PPFIA4: variants seen among roughly 807,000 people sequenced by gnomAD.
PPFIA4 encodes liprin-alpha-4.
PPFIA4 carries 98 observed loss-of-function variants against 145.7 expected under a neutral mutation model. That is an observed-to-expected ratio of 0.67 (90% CI 0.57 to 0.80). The LOEUF is 0.80. Ranked by LOEUF, PPFIA4 falls within the 30% of genes least tolerant of loss-of-function variation. The probability of loss-of-function intolerance (pLI) is 0.00; values close to 1 mark genes in which losing one functional copy is unlikely to be tolerated. For missense variants in PPFIA4, 1,457 were observed against 1,632.7 expected, an observed-to-expected ratio of 0.89 and a Z score of 1.85; for synonymous variants, 628 against 649.6, an observed-to-expected ratio of 0.97 and a Z score of 0.51.
At chr1:203,064,719 C>T (rs1661613923) in intron 25 of PPFIA4, among the ~76,000 whole-genome samples, 1 of 152,224 alleles carries the variant, frequency 6.6e-6, no homozygotes, top group South Asian at 2.1e-4. Flanking sequence ...AAAGCTCTGT[C>T]AACACATTCT....
chr1:203,026,927 C>T (rs765324201), intron 1 of PPFIA4, among the ~76,000 whole-genome samples: 5 of 152,138 alleles, frequency 3.3e-5, no homozygotes, highest in Non-Finnish European at 5.9e-5. Flanking sequence ...GCGAGTCTCC[C>T]GGTGGGAACG....
intron 13 of PPFIA4, among the ~76,000 whole-genome samples, chr1:203,050,907 A>G (rs1660461662): frequency 6.6e-6 from 1 of 151,508 alleles, no homozygotes; most frequent in Non-Finnish European, 1.5e-5. Flanking sequence ...ATGGTTGGGA[A>G]TGCTTGGGTT....
intron 2 of PPFIA4, among the ~76,000 whole-genome samples, chr1:203,041,517 A>C (rs913835930): frequency 4.6e-5 from 7 of 152,212 alleles, no homozygotes; most frequent in Non-Finnish European, 8.8e-5. Flanking sequence ...GCCTGAGCCC[A>C]GGAGGTCCAG....
intron 4 of PPFIA4, 69 bp from the exon 5 acceptor site, chr1:203,044,310 C>T: frequency 7.0e-7 from 1 of 1,434,776 alleles, no homozygotes; most frequent in Non-Finnish European, 9.5e-7. Context: ...GTAGACCAAG[C>T]CCAGTCTCTT....
chr1:203,065,694 A>G (rs1405578411), intron 25 of PPFIA4, among the ~76,000 whole-genome samples: 1 of 152,252 alleles, frequency 6.6e-6, no homozygotes, highest in Non-Finnish European at 1.5e-5. Flanking sequence ...TTACGTCTTT[A>G]AAATTTCTTT....
chr1:203,043,589 C>A lies in PPFIA4; in HGVS notation c.336+91C>A, dbSNP rs1659854523. 3 of 1,192,778 alleles carry A rather than the reference C, an allele frequency of 2.5e-6. No individual in the cohort carries two copies. The highest frequency in any genetic ancestry group is 2.6e-5 in the East Asian group (1 of 39,214). The allele number at this position is 1,192,778 out of a possible 1,614,324, so 73.9% of individuals were successfully genotyped here. ...TGAACACCTTGACCAAGAGAGCAGG[C>A]AAGAGTGGGGCCAGGCACAGTCCTA... On this transcript the variant is annotated intron_variant, in intron 3 of 29. Coordinates refer to ENST00000295706, the MANE Select transcript of PPFIA4 (RefSeq NM_001304331.2). This position sits in a 1 kb window ranked among gnomAD's most constrained non-coding sequence, Gnocchi z 4.4.
In PPFIA4 at chr1:203,048,690, GC is replaced by G; in HGVS notation, c.1333del (p.Arg445AlafsTer11). 2 of 1,611,288 alleles carry G rather than the reference GC, an allele frequency of 1.2e-6. No homozygotes were observed. Among genetic ancestry groups the G allele is most frequent in the Non-Finnish European group, 1.7e-6 (2 of 1,179,380 alleles). ...AGCGTCTGCAGCTCCACCTGAAGGAGCGCATGGCTGCCCTGGAGGAGAAGGT... is the reference window on the plus strand; with the variant it reads ...AGCGTCTGCAGCTCCACCTGAAGGAGGCATGGCTGCCCTGGAGGAGAAGGT... ...NERLQLHLKE[R>X]MAALEEKNTL... is the part of the protein sequence containing the mutation. On this transcript the variant is annotated frameshift_variant, in exon 11 of 30. Transcript: ENST00000295706. LOFTEE classifies it high-confidence loss of function. This position sits in a 1 kb window ranked among gnomAD's most constrained non-coding sequence, Gnocchi z 5.8.
At chr1:203,054,643 A>G (rs1489273768) in intron 15 of PPFIA4, among the ~76,000 whole-genome samples, 4 of 151,596 alleles carry the variant, frequency 2.6e-5, no homozygotes, top group African/African-American at 4.9e-5. Context: ...CAATGGTTCA[A>G]TGTATTGCAC....
At position 203,038,759 on chromosome 1, in the gene PPFIA4, A is replaced by G. The variant is rs1659480483; in HGVS notation, c.-250A>G. The G allele has an allele frequency of 5.7e-6, 2 of 349,996 alleles. No homozygotes were observed. The highest frequency in any genetic ancestry group is 1.0e-5 in the Non-Finnish European group (2 of 191,978). The allele number at this position is 349,996 out of a possible 1,614,324, so 21.7% of individuals were successfully genotyped here. On this transcript the variant is annotated 5_prime_UTR_variant, in exon 2 of 30. Transcript: ENST00000295706. ...TCGGCTGCTGTCTGCATGTCTGGGGACACAGGGCACCCAGCCCCAGCCCTG... is the reference window on the plus strand; with the variant it reads ...TCGGCTGCTGTCTGCATGTCTGGGGGCACAGGGCACCCAGCCCCAGCCCTG...
In PPFIA4 at chr1:203,063,727, T is replaced by C. The variant is rs951003316; in HGVS notation, c.2875-101T>C. 7.7e-6 allele frequency: 9 copies of C among 1,170,066 alleles called. No individual in the cohort carries two copies. The Admixed American group carries it at 1.7e-4, about 22-fold the overall frequency. The allele number at this position is 1,170,066 out of a possible 1,614,324, so 72.5% of individuals were successfully genotyped here. ...TGGACTGCCCTTCCTCCCTCATGGG[T>C]GGAGGATGGATTCATGTGTCTCCCG... On this transcript the variant is annotated intron_variant, in intron 24 of 29. Transcript: ENST00000295706.
Position 203,044,465 on chromosome 1 carries a change from G to T in PPFIA4, c.576+12G>T. ...GTGCCCACCAGCAGGTAATCTGCCT[G>T]CTCACCCTCAGTCTGCAGCTCCTGG... On this transcript the variant is annotated intron_variant, in intron 5 of 29. Transcript: ENST00000295706. 6.5e-7 allele frequency: 1 copy of T among 1,549,868 alleles called. No individual in the cohort carries two copies.
chr1:203,051,441 A>G (rs889522886), intron 13 of PPFIA4: 24 of 698,648 alleles, frequency 3.4e-5, no homozygotes, highest in African/African-American at 9.5e-5. Flanking sequence ...CTCTGCTCGA[A>G]TACCTCTTTG....
intron 24 of PPFIA4, chr1:203,062,986 A>G (rs1332956256): frequency 2.0e-5 from 3 of 152,228 alleles, no homozygotes; most frequent in Admixed American, 6.5e-5. Context: ...TGCTAACTTC[A>G]TTTATATGCT....
At position 203,063,944 on chromosome 1, in the gene PPFIA4, G is replaced by A. The variant is rs766221826; in HGVS notation, c.2991G>A (p.Leu997=). The change falls in exon 25 of 30, where the codon CTG becomes CTA. Residue 997 remains leucine (L), a synonymous_variant. Transcript: ENST00000295706. The part of the protein sequence containing the change: ...FMECLVDARM[L]DHLTKKDLRV... ...AGTGCCTGGTGGACGCCCGCATGCTGGACCACCTCACCAAGAAGGACCTGC... is the reference window on the plus strand; with the variant it reads ...AGTGCCTGGTGGACGCCCGCATGCTAGACCACCTCACCAAGAAGGACCTGC... The A allele has an allele frequency of 5.0e-6, 8 of 1,613,996 alleles. No individual in the cohort carries two copies. The South Asian group carries it at 8.8e-5, about 18-fold the overall frequency.
intron 13 of PPFIA4, chr1:203,051,564 G>T: frequency 2.1e-6 from 2 of 955,058 alleles, no homozygotes; most frequent in South Asian, 2.8e-5. Flanking sequence ...TTCTCCCCTG[G>T]CTCATTCTGA....
At chr1:203,045,786 AG>A in intron 7 of PPFIA4, 54 bp from the exon 8 acceptor site, 1 of 1,611,044 alleles carries the variant, frequency 6.2e-7, no homozygotes, top group Non-Finnish European at 8.5e-7. Flanking sequence ...AGGTGTAGAC[AG>A]GATGGGGGCA....
chr1:203,063,778 T>G, intron 24 of PPFIA4, 50 bp from the exon 25 acceptor site: 1 of 1,601,868 alleles, frequency 6.2e-7, no homozygotes, highest in Non-Finnish European at 8.5e-7. Flanking sequence ...CTCAGCCTGC[T>G]GGCTCTACCT....
At position 203,075,558 on chromosome 1, in the gene PPFIA4, G is replaced by T; in HGVS notation, c.3394-19G>T. The T allele has an allele frequency of 7.2e-7, 1 of 1,380,318 alleles. No individual in the cohort carries two copies. The highest frequency in any genetic ancestry group is 1.8e-5 in the South Asian group (1 of 54,706). 85.5% of individuals were successfully genotyped at this position (1,380,318 alleles called of 1,614,324 possible). A position where few individuals can be genotyped will look rare whatever the true frequency, so the allele number is the denominator to read the frequency against. On this transcript the variant is annotated intron_variant, in intron 28 of 29. Coordinates refer to ENST00000295706, the MANE Select transcript of PPFIA4 (RefSeq NM_001304331.2). This position sits in a 1 kb window ranked among gnomAD's most constrained non-coding sequence, Gnocchi z 4.1. ...ATTCCAACAGGGCCCTCGGGCCTCT[G>T]GTGTCCCCCATGGTGCAGGGGGATG...
chr1:203,065,065 T>C (rs11804820), intron 25 of PPFIA4, among the ~76,000 whole-genome samples: 5,496 of 152,302 alleles, frequency 0.036, 337 homozygotes, highest in African/African-American at 0.13. Context: ...AGAAATCTTA[T>C]AGAAAGTTAA....
Sources: allele counts gnomAD v4.1 joint callset (sites outside exome capture counted in the v4.1 genomes callset), GRCh38; gene constraint gnomAD v4.1.1; non-coding constraint Gnocchi (gnomAD v3.1); transcripts MANE v1.5; gene names NCBI Gene and HGNC (gene_info 2026-07-23, HGNC 2026-07-21).